Variants in U2SURP observed in about 807,000 individuals in gnomAD.
U2SURP encodes U2 snRNP associated SURP domain containing.
Under a neutral mutation model 144.9 loss-of-function variants are expected in U2SURP, and 9 were observed. The ratio of observed to expected loss-of-function variants is 0.06; its 90% confidence interval spans 0.04 to 0.11. The LOEUF (loss-of-function observed/expected upper bound fraction) is 0.11. Among genes scored for constraint, U2SURP ranks in the 10% least tolerant of loss-of-function variants. The pLI, the probability that U2SURP is intolerant of heterozygous loss-of-function variation, is 1.00. For missense variants in U2SURP, 724 were observed against 1,226.7 expected (o/e 0.59, Z 6.12); for synonymous variants, 408 against 396.8 (o/e 1.03, Z -0.33).
At chr3:143,036,673 T>C (rs151297294) in intron 20 of U2SURP, among the ~76,000 whole-genome samples, 1 of 152,284 alleles carries the variant, frequency 6.6e-6, no homozygotes, top group East Asian at 1.9e-4. Context: ...CCACCTACCA[T>C]TGGACTTTGT....
rs956010781 is a variant in U2SURP, at chr3:143,038,122, G to A, written c.2236G>A (p.Asp746Asn). Residue 746 changes from aspartate to asparagine, a missense_variant, in exon 22 of 28, where the codon GAC becomes AAC. Transcript: ENST00000473835. ...TTCCCTAATAGTGGATGCAACTGAA[G>A]ACTCAAAAAAGAATGAGCCTATATT... ...LDGVPLDATE[D>N]SKKNEPIFKV... The A allele has an allele frequency of 3.6e-5, 58 of 1,603,438 alleles. No individual in the cohort carries two copies. The highest frequency in any genetic ancestry group is 4.8e-5 in the Non-Finnish European group (57 of 1,175,518).
intron 24 of U2SURP, among the ~76,000 whole-genome samples, chr3:143,045,667 A>G (rs566371531): frequency 6.6e-5 from 10 of 152,292 alleles, no homozygotes; most frequent in Non-Finnish European, 1.3e-4. Context: ...ATACATTTCC[A>G]TACTTCATGT....
chr3:143,044,994 T>A (rs1934345581), intron 24 of U2SURP, among the ~76,000 whole-genome samples: 1 of 152,178 alleles, frequency 6.6e-6, no homozygotes, highest in African/African-American at 2.4e-5. Context: ...TTTCAGGGGA[T>A]AAGATGTGTG....
chr3:143,030,875 A>G (rs1326994305), intron 16 of U2SURP, among the ~76,000 whole-genome samples: 2 of 152,122 alleles, frequency 1.3e-5, no homozygotes, highest in Non-Finnish European at 2.9e-5. Flanking sequence ...GTGAGACCCC[A>G]TTTCTATTAA....
At chr3:143,024,235 G>A (rs1578133600) in intron 13 of U2SURP, among the ~76,000 whole-genome samples, 1 of 152,080 alleles carries the variant, frequency 6.6e-6, no homozygotes, top group Admixed American at 6.6e-5. Flanking sequence ...TCACTGTAGG[G>A]AATGTTTATA....
At chr3:143,045,107 A>G (rs966171682) in intron 24 of U2SURP, among the ~76,000 whole-genome samples, 1 of 152,188 alleles carries the variant, frequency 6.6e-6, no homozygotes, top group Non-Finnish European at 1.5e-5. Context: ...GCGGTGGCTC[A>G]TGCCTGTAAT....
chr3:143,021,671 CTT>C, intron 10 of U2SURP, 116 bp downstream of exon 10: 1 of 1,018,876 alleles, frequency 9.8e-7, no homozygotes. Flanking sequence ...ATTGGATAGT[CTT>C]TAGAGTTGTC....
At chr3:143,050,263 G>A (rs1289388446) in intron 24 of U2SURP, among the ~76,000 whole-genome samples, 2 of 152,088 alleles carry the variant, frequency 1.3e-5, no homozygotes, top group African/African-American at 2.4e-5. Context: ...AGTAGAGATG[G>A]GGTTTCTCCA....
intron 5 of U2SURP, 103 bp from the exon 6 acceptor site, chr3:143,016,739 C>G (rs933368025): frequency 2.5e-5 from 26 of 1,032,258 alleles, no homozygotes; most frequent in South Asian, 1.8e-4. Flanking sequence ...AGTGATACAT[C>G]TTAATACTAA....
At chr3:143,015,625 G>A (rs1560179530) in intron 4 of U2SURP, among the ~76,000 whole-genome samples, 1 of 151,944 alleles carries the variant, frequency 6.6e-6, no homozygotes, top group Non-Finnish European at 1.5e-5. Context: ...TGAAAAGTTT[G>A]TCTATTTCCC....
Position 143,056,663 on chromosome 3 carries a change from A to C in U2SURP, c.*213A>C. 7 of 492,106 alleles carry C rather than the reference A, an allele frequency of 1.4e-5. No homozygotes were observed. Among genetic ancestry groups the C allele is most frequent in the African/African-American group, 1.9e-5 (1 of 52,208 alleles). The allele number at this position is 492,106 out of a possible 1,614,324, so 30.5% of individuals were successfully genotyped here. On this transcript the variant is annotated 3_prime_UTR_variant, in exon 28 of 28. Transcript: ENST00000473835. ...ATTACTTTCATTGTGGCTATTTCTCAAGATGAAATTTTTATTGTTCTAATG... is the reference window on the plus strand; with the variant it reads ...ATTACTTTCATTGTGGCTATTTCTCCAGATGAAATTTTTATTGTTCTAATG...
At position 143,043,193 on chromosome 3, in the gene U2SURP, A is replaced by G. The variant is rs1359110188; in HGVS notation, c.2461A>G (p.Ile821Val). The stretch of plus-strand genomic sequence containing the variant: ...AGAACATCATTTGTACTCTAATCCA[A>G]TCAAAGAAGAAATGACTGAGTCTAA... ...SEEHHLYSNP[I>V]KEEMTESKFS... The change falls in exon 24 of 28, where the codon ATC becomes GTC. Residue 821 changes from isoleucine to valine, a missense_variant. Coordinates refer to ENST00000473835, the MANE Select transcript of U2SURP (RefSeq NM_001080415.2). 2.5e-6 allele frequency: 4 copies of G among 1,604,090 alleles called. No individual in the cohort carries two copies. The highest frequency in any genetic ancestry group is 1.3e-5 in the African/African-American group (1 of 74,836).
At chr3:143,014,221 A>G (rs1233925388) in intron 3 of U2SURP, 90 bp from the exon 4 acceptor site, 8 of 794,568 alleles carry the variant, frequency 1.0e-5, no homozygotes, top group Admixed American at 7.0e-5. Flanking sequence ...ACGGCAGTCT[A>G]TTCTGAAGAC....
chr3:143,045,722 T>G (rs1181832695), intron 24 of U2SURP, among the ~76,000 whole-genome samples: 1 of 152,246 alleles, frequency 6.6e-6, no homozygotes, highest in East Asian at 1.9e-4. Flanking sequence ...CAGTGATTAT[T>G]TCTCCTGCTT....
chr3:143,023,740 A>G (rs1416910909), intron 12 of U2SURP, among the ~76,000 whole-genome samples: 3 of 152,168 alleles, frequency 2.0e-5, no homozygotes, highest in Admixed American at 6.6e-5. Context: ...ATTGATGTGC[A>G]TTCTGGCAGG....
intron 19 of U2SURP, among the ~76,000 whole-genome samples, chr3:143,035,471 C>A (rs1288151075): frequency 6.6e-6 from 1 of 152,102 alleles, no homozygotes; most frequent in African/African-American, 2.4e-5. Flanking sequence ...TGCCCAGTGA[C>A]GCCACCATTT....
At chr3:143,048,735 T>C (rs1934677709) in intron 24 of U2SURP, among the ~76,000 whole-genome samples, 1 of 151,772 alleles carries the variant, frequency 6.6e-6, no homozygotes, top group Admixed American at 6.6e-5. Flanking sequence ...CTGTCTGTAC[T>C]AAAAATACAA....
intron 23 of U2SURP, among the ~76,000 whole-genome samples, chr3:143,042,485 A>G (rs1443736207): frequency 1.3e-5 from 2 of 151,730 alleles, no homozygotes; most frequent in Non-Finnish European, 2.9e-5. Flanking sequence ...TTGGGGTACA[A>G]GTGGTTTTGG....
At position 143,056,819 on chromosome 3, in the gene U2SURP, C is replaced by A; in HGVS notation, c.*369C>A. 5.3e-6 allele frequency: 1 copy of A among 186,988 alleles called. No homozygotes were observed. The highest frequency in any genetic ancestry group is 1.1e-5 in the Non-Finnish European group (1 of 88,008). 11.6% of individuals were successfully genotyped at this position (186,988 alleles called of 1,614,324 possible). On this transcript the variant is annotated 3_prime_UTR_variant, in exon 28 of 28. Coordinates refer to ENST00000473835, the MANE Select transcript of U2SURP (RefSeq NM_001080415.2). ...AGCTTTGACAATTTGAATTAGATTT[C>A]AAATAAAATCTGAACAGAAAACTAT...
Sources: gnomAD v4.1 joint callset for allele counts (sites outside exome capture counted in the v4.1 genomes callset) on GRCh38, gnomAD v4.1.1 for gene constraint, MANE v1.5 for transcripts, NCBI Gene and HGNC (gene_info 2026-07-23, HGNC 2026-07-21) for gene names.